The following OPCML variants were observed in gnomAD, a reference collection of about 807,000 sequenced individuals.
OPCML encodes the protein opioid binding protein/cell adhesion molecule like.
Under a neutral mutation model 37.8 loss-of-function variants are expected in OPCML, and 13 were observed. The observed-to-expected ratio is 0.34, with a 90% CI of 0.22 to 0.55. The LOEUF is 0.55. OPCML is among the 20% of genes least tolerant of loss of function. The pLI, the probability that OPCML is intolerant of heterozygous loss-of-function variation, is 0.91. For synonymous variants in OPCML, 176 were observed against 168.8 expected (o/e 1.04, Z -0.33); for missense variants, 341 against 435.6 (o/e 0.78, Z 1.93).
At chr11:132,475,234 G>C (rs966691434) in intron 4 of OPCML, among the ~76,000 whole-genome samples, 1 of 152,196 alleles carries the variant, frequency 6.6e-6, no homozygotes, top group African/African-American at 2.4e-5. Flanking sequence ...AGATAGGCTT[G>C]CTTCTCCTCT....
chr11:132,501,485 T>G (rs776600530), intron 4 of OPCML, among the ~76,000 whole-genome samples: 2 of 152,226 alleles, frequency 1.3e-5, no homozygotes, highest in South Asian at 2.1e-4. Flanking sequence ...CTTTGGGAAC[T>G]ATCATTTGCC....
intron 2 of OPCML, among the ~76,000 whole-genome samples, chr11:132,684,803 T>C (rs1943100580): frequency 6.6e-6 from 1 of 152,208 alleles, no homozygotes; most frequent in South Asian, 2.1e-4. Flanking sequence ...TAAATAACTT[T>C]GCGGTCACTG....
intron 4 of OPCML, among the ~76,000 whole-genome samples, chr11:132,479,582 A>G (rs2096171007): frequency 3.3e-5 from 5 of 152,212 alleles, no homozygotes; most frequent in Admixed American, 3.3e-4. Context: ...GGGCACAGAC[A>G]AACAAAAAGA....
At chr11:133,470,151 T>C (rs1947071296) in intron 1 of OPCML, among the ~76,000 whole-genome samples, 1 of 152,186 alleles carries the variant, frequency 6.6e-6, no homozygotes. Context: ...ATGTTGACTC[T>C]ATGGATCTGG....
rs1015322703 is a variant in OPCML, at chr11:133,007,810, C to T, written c.62-64800G>A. 7.8e-5 allele frequency: 77 copies of T among 985,346 alleles called. No individual in the cohort carries two copies. In the East Asian group the frequency reaches 1.2e-3, roughly 16 times the overall value. The allele number at this position is 985,346 out of a possible 1,614,324, so 61.0% of individuals were successfully genotyped here. On this transcript the variant is annotated intron_variant, in intron 1 of 7. Coordinates refer to ENST00000524381, the MANE Select transcript of OPCML (RefSeq NM_001012393.5). ...GCACATGTATCATATCTCCTTGTGG[C>T]GGGATCACTCAGCTTTTTGCAGTTG...
chr11:133,029,863 T>TAA (rs5795813), intron 1 of OPCML, among the ~76,000 whole-genome samples: 15,152 of 151,616 alleles, frequency 0.1, 1,272 homozygotes, highest in East Asian at 0.3. Flanking sequence ...ATCTAAAATT[T>TAA]AAAAAAAAAT....
At chr11:133,363,949 G>T (rs539869875) in intron 1 of OPCML, among the ~76,000 whole-genome samples, 1 of 152,222 alleles carries the variant, frequency 6.6e-6, no homozygotes, top group South Asian at 2.1e-4. Flanking sequence ...CATCAAGCTC[G>T]CAGTGACCTA....
At chr11:133,179,141 A>T (rs1937701490) in intron 1 of OPCML, among the ~76,000 whole-genome samples, 1 of 152,180 alleles carries the variant, frequency 6.6e-6, no homozygotes, top group Admixed American at 6.5e-5. Flanking sequence ...ATTTTTGTCT[A>T]TGTGGCACTG....
At chr11:132,430,977 G>A (rs2095994924) in intron 7 of OPCML, among the ~76,000 whole-genome samples, 3 of 152,156 alleles carry the variant, frequency 2.0e-5, no homozygotes, top group Admixed American at 2.0e-4. Flanking sequence ...GAGAGAAAGT[G>A]AGTCACCTCC....
intron 3 of OPCML, among the ~76,000 whole-genome samples, chr11:132,624,632 A>G (rs964200167): frequency 1.3e-5 from 2 of 151,906 alleles, no homozygotes; most frequent in Non-Finnish European, 2.9e-5. Context: ...TTCCAGTCAT[A>G]ACTCCACTCG....
rs1235861279 is a variant in OPCML at position 132,731,300 on chromosome 11, T to C, written c.147-73981A>G. 3.3e-5 allele frequency among the ~76,000 whole-genome samples: 5 copies of C among 152,218 alleles called. No individual in the cohort carries two copies. The East Asian group carries it at 9.6e-4, about 29-fold the overall frequency. ...ACAATGAGTGGTTTAGGAATGAATA[T>C]GGACCCAAACCAAATAGACCCTCCA... On this transcript the variant is annotated intron_variant, in intron 2 of 7. Transcript: ENST00000524381.
intron 1 of OPCML, chr11:133,361,631 CG>C: frequency 6.1e-6 from 1 of 163,870 alleles, no homozygotes; most frequent in Non-Finnish European, 1.3e-5. Flanking sequence ...GCAGCTATTC[CG>C]GGGCACCTGC....
chr11:132,643,043 C>G (rs568591357), intron 3 of OPCML, among the ~76,000 whole-genome samples: 26 of 152,260 alleles, frequency 1.7e-4, no homozygotes, highest in African/African-American at 6.0e-4. Context: ...GGGTGAGAGG[C>G]AGACACCTGG....
intron 2 of OPCML, among the ~76,000 whole-genome samples, chr11:132,925,283 C>A (rs1944949780): frequency 6.6e-6 from 1 of 152,198 alleles, no homozygotes; most frequent in African/African-American, 2.4e-5. Context: ...CTGATGTTTT[C>A]TCTGTCTCTT....
intron 1 of OPCML, among the ~76,000 whole-genome samples, chr11:133,233,394 G>T (rs1940368481): frequency 1.3e-5 from 2 of 152,172 alleles, no homozygotes; most frequent in South Asian, 4.1e-4. Flanking sequence ...GGGCATAAGA[G>T]AAAGGTGCCC....
chr11:132,545,650 G>A (rs766338343), intron 3 of OPCML, among the ~76,000 whole-genome samples: 11 of 152,034 alleles, frequency 7.2e-5, no homozygotes, highest in Non-Finnish European at 1.6e-4. Context: ...CATCCAATGT[G>A]TACTTAGGTA....
intron 1 of OPCML, chr11:133,360,115 C>T (rs1205777465): frequency 6.6e-6 from 1 of 152,202 alleles, no homozygotes; most frequent in African/African-American, 2.4e-5. Context: ...AGGAACTTAA[C>T]ATCAATTTTC....
intron 1 of OPCML, among the ~76,000 whole-genome samples, chr11:133,133,898 G>A (rs1949642868): frequency 6.6e-6 from 1 of 152,122 alleles, no homozygotes; most frequent in African/African-American, 2.4e-5. Flanking sequence ...TAAGACATAT[G>A]TATAAAGCTG....
At chr11:133,099,663 G>A (rs1240227258) in intron 1 of OPCML, among the ~76,000 whole-genome samples, 5 of 152,044 alleles carry the variant, frequency 3.3e-5, no homozygotes, top group East Asian at 3.9e-4. Context: ...TTTCTGTAAC[G>A]AGTAGAGATG....
Sources: allele counts gnomAD v4.1 joint callset (sites outside exome capture counted in the v4.1 genomes callset), GRCh38; gene constraint gnomAD v4.1.1; transcripts MANE v1.5; gene names NCBI Gene and HGNC (gene_info 2026-07-23, HGNC 2026-07-21).